The following HMCN1 variants were observed in gnomAD, a reference collection of about 807,000 sequenced individuals.
HMCN1 encodes hemicentin-1.
In HMCN1, 321 loss-of-function variants were observed where a neutral mutation model predicts 625.9. That is an observed-to-expected ratio of 0.51 (90% CI 0.47 to 0.56). HMCN1 has a LOEUF of 0.56. Ranked by LOEUF, HMCN1 falls within the 20% of genes least tolerant of loss-of-function variation. The pLI is 0.00. For synonymous variants in HMCN1, 2,425 were observed against 2,417.6 expected, an observed-to-expected ratio of 1.00 and a Z score of -0.09; for missense variants, 6,588 against 6,887.3, an observed-to-expected ratio of 0.96 and a Z score of 1.54.
At chr1:186,017,569 G>C (rs1654446560) in intron 33 of HMCN1, among the ~76,000 whole-genome samples, 1 of 151,952 alleles carries the variant, frequency 6.6e-6, no homozygotes, top group South Asian at 2.1e-4. Flanking sequence ...TGCAGAGGAA[G>C]AGTTAGTCAG....
intron 29 of HMCN1, among the ~76,000 whole-genome samples, chr1:186,004,653 T>C (rs529305321): frequency 6.6e-6 from 1 of 152,148 alleles, no homozygotes; most frequent in East Asian, 1.9e-4. Flanking sequence ...GACTAGAGTA[T>C]GGGAAAGCAA....
chr1:186,116,495 C>T (rs1661140352), intron 75 of HMCN1, among the ~76,000 whole-genome samples: 1 of 151,576 alleles, frequency 6.6e-6, no homozygotes, highest in Admixed American at 6.6e-5. Context: ...TTTAAGGAGA[C>T]ATGCAAAGTA....
At chr1:186,005,628 A>G (rs144363547) in intron 29 of HMCN1, among the ~76,000 whole-genome samples, 5 of 152,230 alleles carry the variant, frequency 3.3e-5, no homozygotes, top group South Asian at 2.1e-4. Context: ...AAAAATGTTC[A>G]TAAATGTAAA....
intron 1 of HMCN1, among the ~76,000 whole-genome samples, chr1:185,743,269 ATATCTATG>A (rs1374131840): frequency 4.6e-5 from 7 of 152,250 alleles, no homozygotes; most frequent in Admixed American, 4.6e-4. Flanking sequence ...CCTGCCTTTC[ATATCTATG>A]ATTTTACTTT....
chr1:185,961,097 A>G (rs1450555838), intron 11 of HMCN1, among the ~76,000 whole-genome samples: 1 of 152,216 alleles, frequency 6.6e-6, no homozygotes, highest in Non-Finnish European at 1.5e-5. Flanking sequence ...AGACTAGACC[A>G]TAATTTGAAA....
chr1:185,920,378 CAA>C (rs1666944321), intron 6 of HMCN1, among the ~76,000 whole-genome samples: 1 of 152,098 alleles, frequency 6.6e-6, no homozygotes, highest in South Asian at 2.1e-4. Flanking sequence ...TTAAATTCAT[CAA>C]AGACATTCCT....
chr1:185,827,779 A>G (rs770216269), intron 1 of HMCN1, among the ~76,000 whole-genome samples: 30 of 152,132 alleles, frequency 2.0e-4, no homozygotes, highest in Non-Finnish European at 3.5e-4. Flanking sequence ...ACTAAATCCA[A>G]TGGAAATTGC....
chr1:185,969,168 A>G (rs79195316), intron 14 of HMCN1, among the ~76,000 whole-genome samples: 214 of 152,316 alleles, frequency 1.4e-3, no homozygotes, highest in Non-Finnish European at 2.4e-3. Context: ...CTGTGGTGTG[A>G]GGAAAGTTTA....
At chr1:185,757,345 T>C (rs760235571) in intron 1 of HMCN1, among the ~76,000 whole-genome samples, 1 of 152,220 alleles carries the variant, frequency 6.6e-6, no homozygotes, top group African/African-American at 2.4e-5. Flanking sequence ...ATCGCCTCTC[T>C]CTGCCCTCTC....
chr1:185,952,430 G>T (rs906008842), intron 11 of HMCN1, among the ~76,000 whole-genome samples: 1 of 151,638 alleles, frequency 6.6e-6, no homozygotes, highest in Non-Finnish European at 1.5e-5. Flanking sequence ...CTTGGGGTTG[G>T]TACTGAGGGG....
chr1:186,154,650 C>G (rs1650880981), intron 97 of HMCN1, among the ~76,000 whole-genome samples: 1 of 152,182 alleles, frequency 6.6e-6, no homozygotes, highest in African/African-American at 2.4e-5. Context: ...AAACATAATA[C>G]AAAGCTGTGT....
intron 30 of HMCN1, 93 bp downstream of exon 30, chr1:186,007,375 A>C: frequency 9.0e-7 from 1 of 1,107,540 alleles, no homozygotes; most frequent in Non-Finnish European, 1.4e-6. Context: ...TTTCATACTG[A>C]ATAATTTGGA....
intron 103 of HMCN1, chr1:186,176,971 A>G (rs1297776650): frequency 6.6e-6 from 1 of 151,818 alleles, no homozygotes; most frequent in Non-Finnish European, 1.5e-5. Flanking sequence ...GATCAAGACC[A>G]TCCTGGCTAA....
At chr1:185,874,311 A>G (rs1194951196) in intron 4 of HMCN1, among the ~76,000 whole-genome samples, 3 of 152,040 alleles carry the variant, frequency 2.0e-5, no homozygotes, top group Non-Finnish European at 2.9e-5. Flanking sequence ...CAACCTAAAA[A>G]TATTCGTCAA....
At position 185,826,351 on chromosome 1, in the gene HMCN1, C is replaced by T. The variant is rs898454231; in HGVS notation, c.269-19675C>T. 3.9e-5 allele frequency among the ~76,000 whole-genome samples: 6 copies of T among 152,258 alleles called. No homozygotes were observed. In the East Asian group the frequency reaches 1.2e-3, roughly 29 times the overall value. On this transcript the variant is annotated intron_variant, in intron 1 of 106. Coordinates refer to ENST00000271588, the MANE Select transcript of HMCN1 (RefSeq NM_031935.3). Reference sequence around the variant, plus strand: ...AAATGAAAAACAGAAATTTAAACAACCATATTTGGTGATGCTAAAAGACTG... The same window carrying T: ...AAATGAAAAACAGAAATTTAAACAATCATATTTGGTGATGCTAAAAGACTG...
chr1:185,826,828 G>A (rs1327100930), intron 1 of HMCN1, among the ~76,000 whole-genome samples: 1 of 152,022 alleles, frequency 6.6e-6, no homozygotes, highest in Non-Finnish European at 1.5e-5. Context: ...CATTCCCTTC[G>A]CCACATGAAC....
chr1:186,108,877 A>G (rs550958343), intron 71 of HMCN1, among the ~76,000 whole-genome samples: 4 of 152,362 alleles, frequency 2.6e-5, no homozygotes, highest in Admixed American at 2.6e-4. Flanking sequence ...GCGCCCATGC[A>G]TTAAAGTTTG....
At chr1:185,890,363 G>T (rs578103780) in intron 4 of HMCN1, among the ~76,000 whole-genome samples, 10 of 147,682 alleles carry the variant, frequency 6.8e-5, no homozygotes, top group Admixed American at 2.6e-4. Flanking sequence ...CTTTTGAATG[G>T]GTTTTCTCTT....
rs767388453 is a variant in HMCN1 at position 186,000,195 on chromosome 1, A to G, written c.4025A>G (p.Asn1342Ser). ...DNGEYICVAV[N>S]EAGTTERKYN... is the part of the protein sequence containing the mutation. ...GGGGAGTACATCTGTGTGGCAGTCA[A>G]TGAAGCTGGAACCACAGAAAGAAAA... The change falls in exon 26 of 107, where the codon AAT (asparagine) becomes AGT (serine). Residue 1342 changes from asparagine to serine, a missense_variant. Physicochemically the swap from Asn to Ser is conservative, Grantham distance 46. Transcript: ENST00000271588. The G allele has an allele frequency of 1.2e-6, 2 of 1,613,214 alleles. No homozygotes were observed. Among genetic ancestry groups the G allele is most frequent in the South Asian group, 1.1e-5 (1 of 91,074 alleles).
Sources: gnomAD v4.1 joint callset for allele counts (sites outside exome capture counted in the v4.1 genomes callset) on GRCh38, gnomAD v4.1.1 for gene constraint, MANE v1.5 for transcripts, NCBI Gene and HGNC (gene_info 2026-07-23, HGNC 2026-07-21) for gene names.